PLCB1: variants seen among roughly 807,000 people sequenced by gnomAD.
PLCB1 encodes the protein 1-phosphatidylinositol 4,5-bisphosphate phosphodiesterase beta-1.
A neutral mutation model predicts 161.8 loss-of-function variants in PLCB1; 46 were observed. The observed-to-expected ratio is 0.28, with a 90% CI of 0.22 to 0.36. PLCB1 has a LOEUF of 0.36. Ranked by LOEUF, PLCB1 falls within the 10% of genes least tolerant of loss-of-function variation. PLCB1 has a pLI of 1.00. For missense variants in PLCB1, 1,016 were observed against 1,472.5 expected, an observed-to-expected ratio of 0.69 and a Z score of 5.07; for synonymous variants, 517 against 503.7, an observed-to-expected ratio of 1.03 and a Z score of -0.35.
intron 2 of PLCB1, among the ~76,000 whole-genome samples, chr20:8,317,061 GTGAA>G (rs550549229): frequency 1.3e-5 from 2 of 150,934 alleles, no homozygotes; most frequent in Non-Finnish European, 2.9e-5. Context: ...TAAATGCTAA[GTGAA>G]TGAATGAATG....
chr20:8,523,496 C>CTCTCTCTCTCTCTCTCTATATA lies in PLCB1; in HGVS notation c.247-104797_247-104796insCTCTCTCTCTCTCTCTATATAT. On this transcript the variant is annotated intron_variant, in intron 3 of 31. Coordinates refer to ENST00000338037, the MANE Select transcript of PLCB1 (RefSeq NM_015192.4). ...TCTCTCTCTCTCTCTCTCTCTCTCT[C>CTCTCTCTCTCTCTCTCTATATA]TATATATATATATATATATATATAT... Among the ~76,000 whole-genome samples the CTCTCTCTCTCTCTCTCTATATA allele has an allele frequency of 1.3e-3, 68 of 51,638 alleles. 1 individual carries two copies. The highest frequency in any genetic ancestry group is 2.2e-3 in the Admixed American group (9 of 4,162). 33.9% of individuals were successfully genotyped at this position (51,638 alleles called of 152,430 possible).
At chr20:8,779,507 C>CAAAAA (rs373073139) in intron 27 of PLCB1, among the ~76,000 whole-genome samples, 14 of 102,512 alleles carry the variant, frequency 1.4e-4, no homozygotes, top group African/African-American at 4.1e-4. Flanking sequence ...CACTTTTGTG[C>CAAAAA]AAAAAAAAAA....
chr20:8,324,482 G>A (rs1276657594), intron 2 of PLCB1, among the ~76,000 whole-genome samples: 2 of 152,092 alleles, frequency 1.3e-5, no homozygotes, highest in African/African-American at 2.4e-5. Context: ...TATGATTTAT[G>A]TATCATAAAT....
At position 8,882,813 on chromosome 20, in the gene PLCB1, G is replaced by T. The variant is rs886056974; in HGVS notation, c.*964G>T. On this transcript the variant is annotated 3_prime_UTR_variant, in exon 32 of 32. Transcript: ENST00000338037. Reference sequence around the variant, plus strand: ...GAGGAAGATTGAATATTTATCTAGAGAATACAAAGACCCACATGTAAATGA... The same window carrying T: ...GAGGAAGATTGAATATTTATCTAGATAATACAAAGACCCACATGTAAATGA... The T allele has an allele frequency of 3.3e-5, 5 of 152,282 alleles. No homozygotes were observed. Among genetic ancestry groups the T allele is most frequent in the Non-Finnish European group, 5.9e-5 (4 of 68,030 alleles). The allele number at this position is 152,282 out of a possible 1,614,324, so 9.4% of individuals were successfully genotyped here. A position where few individuals can be genotyped will look rare whatever the true frequency, so the allele number is the denominator to read the frequency against.
chr20:8,624,754 A>C (rs1988286275), intron 3 of PLCB1, among the ~76,000 whole-genome samples: 1 of 152,190 alleles, frequency 6.6e-6, no homozygotes, highest in Non-Finnish European at 1.5e-5. Context: ...TTTAATCACA[A>C]ATCCTGATGA....
At chr20:8,201,383 A>C (rs983824691) in intron 2 of PLCB1, among the ~76,000 whole-genome samples, 16 of 152,116 alleles carry the variant, frequency 1.1e-4, no homozygotes, top group Non-Finnish European at 2.9e-5. Context: ...TATGTAATCA[A>C]AATAGGGTTA....
chr20:8,775,805 G>A (rs1982914976), intron 27 of PLCB1, among the ~76,000 whole-genome samples: 2 of 152,158 alleles, frequency 1.3e-5, no homozygotes, highest in Admixed American at 1.3e-4. Context: ...TAGGGCTGGT[G>A]TTTTCATATT....
At chr20:8,345,177 T>A (rs1045357870) in intron 2 of PLCB1, among the ~76,000 whole-genome samples, 1 of 152,190 alleles carries the variant, frequency 6.6e-6, no homozygotes, top group East Asian at 1.9e-4. Context: ...GCTGGGCTGT[T>A]TGCTCTGGGT....
At chr20:8,646,043 C>G in intron 4 of PLCB1, 59 bp from the exon 5 acceptor site, 1 of 1,119,982 alleles carries the variant, frequency 8.9e-7, no homozygotes, top group Non-Finnish European at 1.4e-6. Context: ...AAGCTAAAAG[C>G]ATGTGTCTAA....
At position 8,309,192 on chromosome 20, in the gene PLCB1, G is replaced by C. The variant is rs1382767535; in HGVS notation, c.178-62190G>C. 2.0e-5 allele frequency among the ~76,000 whole-genome samples: 3 copies of C among 152,278 alleles called. No homozygotes were observed. In the East Asian group the frequency reaches 5.8e-4, roughly 29 times the overall value. ...CCATGGCTTTCTTTCTGAGGAGACT[G>C]GGGGAGACACTTGGATAAGAGAAGG... is the stretch of plus-strand genomic sequence containing the variant. On this transcript the variant is annotated intron_variant, in intron 2 of 31. Transcript: ENST00000338037.
rs138682937 is a variant in PLCB1, at chr20:8,507,401, G to A, written c.247-120893G>A. On this transcript the variant is annotated intron_variant, in intron 3 of 31. Transcript: ENST00000338037. Reference sequence around the variant, plus strand: ...TTTGAACAACAAATTGTATGGTCACGTTGGTCACCCTAGGTAGAAATTTGC... The same window carrying A: ...TTTGAACAACAAATTGTATGGTCACATTGGTCACCCTAGGTAGAAATTTGC... 7.3e-4 allele frequency among the ~76,000 whole-genome samples: 111 copies of A among 152,272 alleles called. 1 individual carries two copies. Among genetic ancestry groups the A allele is most frequent in the African/African-American group, 2.5e-3 (102 of 41,552 alleles).
chr20:8,238,872 G>A (rs1980462260), intron 2 of PLCB1, among the ~76,000 whole-genome samples: 2 of 134,570 alleles, frequency 1.5e-5, no homozygotes, highest in African/African-American at 5.1e-5. Context: ...TGGCTGGGGG[G>A]AAGACATCAG....
rs888852012 is a variant in PLCB1 at position 8,516,718 on chromosome 20, A to G, written c.247-111576A>G. Among the ~76,000 whole-genome samples the G allele has an allele frequency of 4.6e-5, 5 of 109,486 alleles. 1 individual carries two copies. Among genetic ancestry groups the G allele is most frequent in the African/African-American group, 1.3e-4 (4 of 30,942 alleles). The allele number at this position is 109,486 out of a possible 152,430, so 71.8% of individuals were successfully genotyped here. ...ATATATATATATATATATGTATTCC[A>G]TTTTGATGCTATATACTACTAGTCA... On this transcript the variant is annotated intron_variant, in intron 3 of 31. Coordinates refer to ENST00000338037, the MANE Select transcript of PLCB1 (RefSeq NM_015192.4).
chr20:8,285,718 T>C (rs968920600), intron 2 of PLCB1, among the ~76,000 whole-genome samples: 12 of 152,172 alleles, frequency 7.9e-5, no homozygotes, highest in African/African-American at 2.9e-4. Flanking sequence ...CATAGTTTAC[T>C]TGGGTAGCTG....
chr20:8,252,659 C>A (rs1230023804), intron 2 of PLCB1, among the ~76,000 whole-genome samples: 1 of 151,964 alleles, frequency 6.6e-6, no homozygotes, highest in Non-Finnish European at 1.5e-5. Context: ...CTCATTAGCT[C>A]ACAAGGCAAA....
At chr20:8,724,994 G>T (rs1430545261) in intron 16 of PLCB1, among the ~76,000 whole-genome samples, 2 of 151,990 alleles carry the variant, frequency 1.3e-5, no homozygotes, top group Non-Finnish European at 2.9e-5. Flanking sequence ...TATTTAATAG[G>T]GCTACAGGCC....
intron 3 of PLCB1, among the ~76,000 whole-genome samples, chr20:8,450,263 C>G (rs184147877): frequency 5.4e-4 from 82 of 152,254 alleles, no homozygotes; most frequent in Non-Finnish European, 8.5e-4. Context: ...AAATTTCACA[C>G]GAAGTCTCTT....
intron 31 of PLCB1, among the ~76,000 whole-genome samples, chr20:8,796,307 C>T (rs930207044): frequency 1.3e-5 from 2 of 152,122 alleles, no homozygotes; most frequent in Non-Finnish European, 2.9e-5. Flanking sequence ...CATCCCTCTG[C>T]TTGAAGTTAG....
At chr20:8,641,209 C>G (rs980517746) in intron 4 of PLCB1, among the ~76,000 whole-genome samples, 7 of 152,112 alleles carry the variant, frequency 4.6e-5, no homozygotes, top group Admixed American at 6.5e-5. Flanking sequence ...TCCAGGACTC[C>G]TAATGTTTGT....
Sources: gnomAD v4.1 joint callset for allele counts (sites outside exome capture counted in the v4.1 genomes callset) on GRCh38, gnomAD v4.1.1 for gene constraint, MANE v1.5 for transcripts, NCBI Gene and HGNC (gene_info 2026-07-23, HGNC 2026-07-21) for gene names.